Variants in GPC6 observed in about 807,000 individuals in gnomAD.
GPC6 encodes glypican-6.
In GPC6, 14 loss-of-function variants were observed where a neutral mutation model predicts 55.2. The observed-to-expected ratio is 0.25, with a 90% CI of 0.17 to 0.40. The LOEUF is 0.40. Among genes scored for constraint, GPC6 ranks in the 10% least tolerant of loss-of-function variants. The pLI, the probability that GPC6 is intolerant of heterozygous loss-of-function variation, is 1.00. For missense variants in GPC6, 641 were observed against 708.5 expected (o/e 0.90, Z 1.08); for synonymous variants, 278 against 259.6 (o/e 1.07, Z -0.68).
At chr13:93,860,411 G>A (rs973635056) in intron 3 of GPC6, among the ~76,000 whole-genome samples, 6 of 151,608 alleles carry the variant, frequency 4.0e-5, no homozygotes, top group South Asian at 2.1e-4. Flanking sequence ...TCTCTTGAAT[G>A]TGAGAAATAA....
intron 1 of GPC6, among the ~76,000 whole-genome samples, chr13:93,241,139 T>A (rs1035757240): frequency 3.9e-5 from 6 of 152,190 alleles, no homozygotes; most frequent in African/African-American, 9.6e-5. Flanking sequence ...TTGCAATGAA[T>A]CTCCCAGAGT....
At chr13:93,229,714 C>T (rs2138999247) in intron 1 of GPC6, among the ~76,000 whole-genome samples, 1 of 145,300 alleles carries the variant, frequency 6.9e-6, no homozygotes, top group East Asian at 2.0e-4. Flanking sequence ...AATGTGTGCA[C>T]TTTTTTTTTT....
chr13:94,319,654 T>C (rs1480515343), intron 6 of GPC6, among the ~76,000 whole-genome samples: 1 of 152,220 alleles, frequency 6.6e-6, no homozygotes, highest in Non-Finnish European at 1.5e-5. Context: ...ACATTTGTGC[T>C]GAACTGTAAT....
At chr13:94,344,954 C>T (rs773056382) in intron 6 of GPC6, among the ~76,000 whole-genome samples, 11 of 152,180 alleles carry the variant, frequency 7.2e-5, no homozygotes, top group Non-Finnish European at 1.3e-4. Context: ...CCTAAGCTCT[C>T]AGAACATTCC....
chr13:93,673,558 T>C (rs1166887017), intron 2 of GPC6, among the ~76,000 whole-genome samples: 3 of 152,118 alleles, frequency 2.0e-5, no homozygotes, highest in Non-Finnish European at 4.4e-5. Flanking sequence ...TATATAACGT[T>C]GCCTTGCCCC....
At chr13:93,963,363 G>T (rs1338419238) in intron 3 of GPC6, among the ~76,000 whole-genome samples, 1 of 152,106 alleles carries the variant, frequency 6.6e-6, no homozygotes, top group Non-Finnish European at 1.5e-5. Context: ...AGTGTACAAT[G>T]ATATAGGCTC....
chr13:94,023,654 T>A (rs1882787994), intron 3 of GPC6, among the ~76,000 whole-genome samples: 1 of 152,106 alleles, frequency 6.6e-6, no homozygotes, highest in Non-Finnish European at 1.5e-5. Flanking sequence ...AAAATGTATA[T>A]TTCTACAAAA....
chr13:94,055,707 T>C (rs535905662), intron 4 of GPC6, among the ~76,000 whole-genome samples: 18 of 152,314 alleles, frequency 1.2e-4, no homozygotes, highest in African/African-American at 4.3e-4. Context: ...AATTTACTGA[T>C]TCTCCAATAA....
chr13:93,297,060 C>T (rs527472035), intron 1 of GPC6, among the ~76,000 whole-genome samples: 23 of 152,268 alleles, frequency 1.5e-4, no homozygotes, highest in Admixed American at 1.3e-4. Context: ...CAGCTTCAGC[C>T]GCCAGATGCG....
intron 4 of GPC6, among the ~76,000 whole-genome samples, chr13:94,157,120 A>AAGC (rs1887978054): frequency 6.6e-6 from 1 of 152,132 alleles, no homozygotes; most frequent in Non-Finnish European, 1.5e-5. Context: ...CCTAAATCTG[A>AAGC]AGCTCCGTTC....
At chr13:93,700,004 T>C (rs1458143594) in intron 2 of GPC6, among the ~76,000 whole-genome samples, 1 of 152,020 alleles carries the variant, frequency 6.6e-6, no homozygotes, top group Non-Finnish European at 1.5e-5. Context: ...CAAACCTGAT[T>C]TAACCAGTTT....
chr13:93,231,339 ATATATACATATATATATATAC>A (rs751143205), intron 1 of GPC6, among the ~76,000 whole-genome samples: 9,509 of 61,148 alleles, frequency 0.16, 500 homozygotes, highest in African/African-American at 0.24. Flanking sequence ...ACGTATATAT[ATATATACATATATATATATAC>A]GTATATATAT....
At chr13:93,827,272 A>T (rs1387316413) in intron 2 of GPC6, among the ~76,000 whole-genome samples, 2 of 152,178 alleles carry the variant, frequency 1.3e-5, no homozygotes, top group African/African-American at 4.8e-5. Context: ...ATGATACTTC[A>T]TCAGTAAAAT....
At chr13:94,083,370 G>T (rs1247296842) in intron 4 of GPC6, among the ~76,000 whole-genome samples, 5 of 152,100 alleles carry the variant, frequency 3.3e-5, no homozygotes, top group African/African-American at 1.2e-4. Flanking sequence ...CGCCCACCTT[G>T]GCCTCCCAAA....
At chr13:94,388,504 C>T (rs1880508151) in intron 7 of GPC6, among the ~76,000 whole-genome samples, 2 of 152,218 alleles carry the variant, frequency 1.3e-5, no homozygotes. Flanking sequence ...ATCATCCACA[C>T]AAACCTCTGG....
rs760687710 is a variant in GPC6, at chr13:94,403,088, C to T, written c.1539C>T (p.Val513=). The part of the protein sequence containing the change: ...DDVCPTEFEF[V]TTEAPAVDPD... ...TGTGTCCCACGGAGTTTGAGTTTGT[C>T]ACCACAGAGGCCCCCGCAGTGGATC... Residue 513 remains valine (V), a synonymous_variant, in exon 9 of 9, where the codon GTC becomes GTT. Coordinates refer to ENST00000377047, the MANE Select transcript of GPC6 (RefSeq NM_005708.5). 7 of 1,613,560 alleles carry T rather than the reference C, an allele frequency of 4.3e-6. No individual in the cohort carries two copies. The South Asian group carries it at 6.6e-5, about 15-fold the overall frequency.
chr13:93,628,160 A>G (rs1268994113), intron 2 of GPC6, among the ~76,000 whole-genome samples: 1 of 152,170 alleles, frequency 6.6e-6, no homozygotes, highest in East Asian at 1.9e-4. Flanking sequence ...GCATGATTGT[A>G]TCAAAGAAAA....
chr13:93,779,553 C>T (rs1885574269), intron 2 of GPC6, among the ~76,000 whole-genome samples: 1 of 152,144 alleles, frequency 6.6e-6, no homozygotes, highest in African/African-American at 2.4e-5. Context: ...CCCTCCATTT[C>T]ACTGTTATCC....
At chr13:93,442,987 GGT>G (rs1429936997) in intron 1 of GPC6, among the ~76,000 whole-genome samples, 2 of 151,962 alleles carry the variant, frequency 1.3e-5, no homozygotes, top group Non-Finnish European at 2.9e-5. Context: ...GAGTTTTCTA[GGT>G]CTTGTTTTCT....
Sources: allele counts gnomAD v4.1 joint callset (sites outside exome capture counted in the v4.1 genomes callset), GRCh38; gene constraint gnomAD v4.1.1; transcripts MANE v1.5; gene names NCBI Gene and HGNC (gene_info 2026-07-23, HGNC 2026-07-21).